DCLK2: variants seen among roughly 807,000 people sequenced by gnomAD.
DCLK2 encodes the protein doublecortin like kinase 2.
A neutral mutation model predicts 78.4 loss-of-function variants in DCLK2; 31 were observed. The observed-to-expected ratio is 0.40, with a 90% CI of 0.30 to 0.53. The LOEUF (loss-of-function observed/expected upper bound fraction) is 0.53, where lower values mean the gene tolerates loss of function less well. Ranked by LOEUF, DCLK2 falls within the 20% of genes least tolerant of loss-of-function variation. The pLI is 0.61. For missense variants in DCLK2, 872 were observed against 973.7 expected (o/e 0.90, Z 1.39); for synonymous variants, 407 against 374.9 (o/e 1.09, Z -0.99).
At chr4:150,172,151 A>G (rs1212596794) in intron 2 of DCLK2, among the ~76,000 whole-genome samples, 2 of 152,198 alleles carry the variant, frequency 1.3e-5, no homozygotes, top group African/African-American at 2.4e-5. Flanking sequence ...TTTGTTCCAC[A>G]TGCTTGAAGA....
intron 5 of DCLK2, among the ~76,000 whole-genome samples, chr4:150,219,258 C>CTTTTTTTTTTT (rs375592229): frequency 1.4e-5 from 1 of 72,128 alleles, no homozygotes; most frequent in Non-Finnish European, 2.7e-5. Context: ...CACAAACATT[C>CTTTTTTTTTTT]TTTTTTTTTT....
chr4:150,080,013 G>A (rs576025967), intron 1 of DCLK2, among the ~76,000 whole-genome samples: 1 of 152,128 alleles, frequency 6.6e-6, no homozygotes, highest in South Asian at 2.1e-4. Context: ...TCACACTGGG[G>A]ACTTCGAAAA....
chr4:150,098,168 A>G (rs1209631393), intron 1 of DCLK2, among the ~76,000 whole-genome samples: 1 of 152,086 alleles, frequency 6.6e-6, no homozygotes, highest in African/African-American at 2.4e-5. Flanking sequence ...ATGATTGGAT[A>G]CCTCTATAAA....
chr4:150,188,731 C>A (rs1354327435), intron 2 of DCLK2, among the ~76,000 whole-genome samples: 3 of 151,916 alleles, frequency 2.0e-5, no homozygotes, highest in African/African-American at 7.3e-5. Context: ...GAAGCCCCAT[C>A]TCTACTAAAA....
At chr4:150,184,374 A>G (rs931670901) in intron 2 of DCLK2, among the ~76,000 whole-genome samples, 3 of 152,216 alleles carry the variant, frequency 2.0e-5, no homozygotes, top group Non-Finnish European at 4.4e-5. Context: ...ATGCATTTCA[A>G]CTTTTCTAAA....
intron 13 of DCLK2, 53 bp downstream of exon 13, chr4:150,247,752 C>T (rs1259899136): frequency 7.0e-7 from 1 of 1,435,396 alleles, no homozygotes; most frequent in Admixed American, 1.7e-5. Flanking sequence ...GGTCCTCACC[C>T]ATTGCACAGG....
Position 150,203,740 on chromosome 4 carries a change from C to T in DCLK2, c.962-55C>T. 2.1e-6 allele frequency: 3 copies of T among 1,414,038 alleles called. No homozygotes were observed. In the South Asian group the frequency reaches 3.5e-5, roughly 16 times the overall value. The allele number at this position is 1,414,038 out of a possible 1,614,324, so 87.6% of individuals were successfully genotyped here. On this transcript the variant is annotated intron_variant, in intron 4 of 15. Coordinates refer to ENST00000296550, the MANE Select transcript of DCLK2 (RefSeq NM_001040260.4). ...CATGCACCTAGTGTATTTATACAGT[C>T]TGGTTGTTGTGGGTTTTAATGGGAC...
chr4:150,127,934 T>C (rs1733032685), intron 2 of DCLK2, among the ~76,000 whole-genome samples: 2 of 152,240 alleles, frequency 1.3e-5, no homozygotes, highest in Admixed American at 1.3e-4. Context: ...AAACAGTTGC[T>C]GTGGTTTGAG....
chr4:150,232,281 C>A (rs1029242054), intron 8 of DCLK2, 56 bp from the exon 9 acceptor site: 3 of 1,584,284 alleles, frequency 1.9e-6, no homozygotes, highest in Non-Finnish European at 2.6e-6. Context: ...TCCAGGCCTT[C>A]GAGAGCAGAG....
intron 4 of DCLK2, among the ~76,000 whole-genome samples, chr4:150,198,500 A>G (rs1739226622): frequency 6.6e-6 from 1 of 152,082 alleles, no homozygotes; most frequent in Non-Finnish European, 1.5e-5. Flanking sequence ...CCAGAAATGT[A>G]TTTACTTGAT....
At position 150,248,346 on chromosome 4, in the gene DCLK2, G is replaced by A; in HGVS notation, c.1917G>A (p.Arg639=). The change falls in exon 14 of 16, where the codon CGG becomes CGA. Residue 639 remains arginine (R), a synonymous_variant. Coordinates refer to ENST00000296550, the MANE Select transcript of DCLK2 (RefSeq NM_001040260.4). ...SQMLQVNVEA[R]CTAGQILSHP... ...TGCTTCAGGTAAATGTTGAAGCTCG[G>A]TGTACCGCGGGACAAATCCTGAGTC... is the stretch of plus-strand genomic sequence containing the variant. 6.2e-7 allele frequency: 1 copy of A among 1,613,954 alleles called. No individual in the cohort carries two copies. Among genetic ancestry groups the A allele is most frequent in the Non-Finnish European group, 8.5e-7 (1 of 1,180,008 alleles).
intron 10 of DCLK2, 141 bp from the exon 11 acceptor site, chr4:150,239,601 C>CA (rs976671524): frequency 0.037 from 33,323 of 897,886 alleles, no homozygotes; most frequent in East Asian, 0.042. Flanking sequence ...ACCGTGTCTT[C>CA]AAAAAAAAAA....
intron 1 of DCLK2, among the ~76,000 whole-genome samples, chr4:150,083,522 T>C (rs1224206603): frequency 2.0e-5 from 3 of 152,172 alleles, no homozygotes; most frequent in African/African-American, 7.2e-5. Context: ...TCTTTGAAAG[T>C]GTTAAATAAA....
At chr4:150,101,649 A>T (rs2150152888) in intron 1 of DCLK2, among the ~76,000 whole-genome samples, 1 of 152,216 alleles carries the variant, frequency 6.6e-6, no homozygotes, top group African/African-American at 2.4e-5. Context: ...TCAACATATA[A>T]TTTTTGGAAA....
chr4:150,121,768 A>C (rs951118201), intron 2 of DCLK2, among the ~76,000 whole-genome samples: 1 of 152,238 alleles, frequency 6.6e-6, no homozygotes, highest in African/African-American at 2.4e-5. Flanking sequence ...TATTTCTTAC[A>C]TCAGACTTGA....
In DCLK2 at chr4:150,247,624, T is replaced by C. The variant is rs1743429526; in HGVS notation, c.1800T>C (p.Asp600=). The C allele has an allele frequency of 6.2e-7, 1 of 1,614,040 alleles. No individual in the cohort carries two copies. Among genetic ancestry groups the C allele is most frequent in the African/African-American group, 1.3e-5 (1 of 75,056 alleles). ...PFRSENNLQE[D]LFDQILAGKL... is the part of the protein sequence containing the mutation. ...TTAGTGAGAACAATCTCCAGGAAGA[T>C]CTCTTCGACCAGATCTTGGCTGGGA... The change falls in exon 13 of 16, where the codon GAT becomes GAC. Residue 600 remains aspartate, a synonymous_variant. Transcript: ENST00000296550.
Position 150,078,877 on chromosome 4 carries a change from T to G in DCLK2, c.-151T>G, listed in dbSNP as rs1729012089. 9.6e-7 allele frequency: 1 copy of G among 1,044,964 alleles called. No homozygotes were observed. Among genetic ancestry groups the G allele is most frequent in the Non-Finnish European group, 1.3e-6 (1 of 770,404 alleles). 64.7% of individuals were successfully genotyped at this position (1,044,964 alleles called of 1,614,324 possible). A position where few individuals can be genotyped will look rare whatever the true frequency, so the allele number is the denominator to read the frequency against. ...GCGGGCGGGTCGGCTCCTCCGCGGC[T>G]CCTCGGCCCCACCTGCGCGGAGAGG... On this transcript the variant is annotated 5_prime_UTR_variant, in exon 1 of 16. Transcript: ENST00000296550.
intron 2 of DCLK2, among the ~76,000 whole-genome samples, chr4:150,190,241 AGATAGATAGATAGATAGATAGATAGAT>A (rs1738326854): frequency 2.0e-4 from 7 of 34,940 alleles, no homozygotes; most frequent in Non-Finnish European, 3.1e-4. Context: ...ATAGTTAGAT[AGATAGATAGATAGATAGATAGATAGAT>A]AGATAGATAG....
chr4:150,132,539 A>G (rs376379117), intron 2 of DCLK2, among the ~76,000 whole-genome samples: 2 of 152,200 alleles, frequency 1.3e-5, no homozygotes, highest in African/African-American at 4.8e-5. Context: ...ATACTAAGCT[A>G]TTGCTCCTAG....
Sources: allele counts gnomAD v4.1 joint callset (sites outside exome capture counted in the v4.1 genomes callset), GRCh38; gene constraint gnomAD v4.1.1; transcripts MANE v1.5; gene names NCBI Gene and HGNC (gene_info 2026-07-23, HGNC 2026-07-21).